Variants in CSMD1 observed in about 807,000 individuals in gnomAD.
CSMD1 encodes CUB and sushi domain-containing protein 1.
In CSMD1, 213 loss-of-function variants were observed where a neutral mutation model predicts 417.5. The ratio of observed to expected loss-of-function variants is 0.51; its 90% CI spans 0.46 to 0.57. The LOEUF (loss-of-function observed/expected upper bound fraction) is 0.57. Among genes scored for constraint, CSMD1 ranks in the 20% least tolerant of loss-of-function variants. The pLI, the probability that CSMD1 is intolerant of heterozygous loss-of-function variation, is 0.00. For missense variants in CSMD1, 6,923 were observed against 4,529.7 expected (o/e 1.53, Z -15.17); for synonymous variants, 2,862 against 1,736.8 (o/e 1.65, Z -16.11).
intron 1 of CSMD1, among the ~76,000 whole-genome samples, chr8:4,649,097 C>G (rs1411509525): frequency 2.0e-5 from 3 of 152,132 alleles, no homozygotes; most frequent in East Asian, 3.9e-4. Context: ...AGTGAGTCAT[C>G]ATTGATACAC....
At chr8:4,931,735 C>A (rs1328526330) in intron 1 of CSMD1, among the ~76,000 whole-genome samples, 1 of 152,198 alleles carries the variant, frequency 6.6e-6, no homozygotes, top group Non-Finnish European at 1.5e-5. Context: ...AGTACCATCT[C>A]CTCACATAAG....
chr8:4,470,140 G>A (rs1459895107), intron 2 of CSMD1, among the ~76,000 whole-genome samples: 1 of 152,062 alleles, frequency 6.6e-6, no homozygotes, highest in African/African-American at 2.4e-5. Context: ...AAAGGGCTGG[G>A]ATTACAGGTG....
chr8:4,090,224 G>C (rs990794998), intron 3 of CSMD1, among the ~76,000 whole-genome samples: 4 of 152,060 alleles, frequency 2.6e-5, no homozygotes, highest in Non-Finnish European at 5.9e-5. Flanking sequence ...AGTATTTTTG[G>C]CTTGTTTTTG....
intron 5 of CSMD1, among the ~76,000 whole-genome samples, chr8:3,811,647 T>C (rs541249408): frequency 6.6e-6 from 1 of 152,234 alleles, no homozygotes; most frequent in African/African-American, 2.4e-5. Flanking sequence ...AGGCCATTCC[T>C]TGCCACCATC....
chr8:3,040,087 T>C (rs2128983153), intron 50 of CSMD1, among the ~76,000 whole-genome samples: 1 of 152,242 alleles, frequency 6.6e-6, no homozygotes, highest in Middle Eastern at 3.4e-3. Flanking sequence ...GGCTCTCCTC[T>C]CTCTCACCTC....
intron 25 of CSMD1, among the ~76,000 whole-genome samples, chr8:3,290,415 G>C (rs1187224979): frequency 6.8e-6 from 1 of 146,450 alleles, no homozygotes; most frequent in Non-Finnish European, 1.5e-5. Flanking sequence ...AGTTACCTTG[G>C]GCGGTATGGC....
chr8:3,526,427 G>T (rs1216588522), intron 10 of CSMD1, among the ~76,000 whole-genome samples: 1 of 151,972 alleles, frequency 6.6e-6, no homozygotes, highest in Non-Finnish European at 1.5e-5. Context: ...CCTAAAGTTA[G>T]TATGCAGTTT....
intron 3 of CSMD1, among the ~76,000 whole-genome samples, chr8:4,105,354 A>C (rs558145151): frequency 6.6e-6 from 1 of 151,490 alleles, no homozygotes; most frequent in African/African-American, 2.4e-5. Context: ...TTTTATGTTT[A>C]TATGTGCTTT....
intron 33 of CSMD1, among the ~76,000 whole-genome samples, chr8:3,196,388 G>A (rs372717487): frequency 1.3e-5 from 2 of 152,054 alleles, no homozygotes; most frequent in Non-Finnish European, 2.9e-5. Context: ...CTGCTCTATG[G>A]ATTAGCCATT....
chr8:2,962,357 T>G, intron 61 of CSMD1, 109 bp downstream of exon 61: 5 of 965,906 alleles, frequency 5.2e-6, no homozygotes, highest in Non-Finnish European at 6.1e-6. Context: ...TACAGAAAAC[T>G]GTCTATGGAA....
chr8:4,788,239 T>C, intron 1 of CSMD1: 2 of 1,588,302 alleles, frequency 1.3e-6, no homozygotes, highest in South Asian at 1.1e-5. Flanking sequence ...GATGAAACTC[T>C]GAGGGTTAAA....
intron 50 of CSMD1, among the ~76,000 whole-genome samples, chr8:3,045,188 T>C (rs990150853): frequency 6.6e-6 from 1 of 152,248 alleles, no homozygotes; most frequent in Non-Finnish European, 1.5e-5. Context: ...CATTTTATTA[T>C]AAACGTTACA....
At chr8:4,899,874 T>G (rs1057266400) in intron 1 of CSMD1, among the ~76,000 whole-genome samples, 10 of 152,176 alleles carry the variant, frequency 6.6e-5, no homozygotes, top group Admixed American at 4.6e-4. Flanking sequence ...CAGACATACC[T>G]GGGGACAAGC....
At chr8:4,628,079 A>G (rs1026941719) in intron 2 of CSMD1, among the ~76,000 whole-genome samples, 6 of 151,158 alleles carry the variant, frequency 4.0e-5, no homozygotes, top group South Asian at 2.1e-4. Flanking sequence ...AGAAGCATAT[A>G]CATACACATA....
intron 45 of CSMD1, 167 bp from the exon 46 acceptor site, chr8:3,106,808 T>G: frequency 2.1e-6 from 1 of 483,998 alleles, no homozygotes; most frequent in South Asian, 4.1e-5. Flanking sequence ...CGTTTTAAGT[T>G]CTTAATTTAT....
chr8:4,117,002 G>A (rs1356461154), intron 3 of CSMD1, among the ~76,000 whole-genome samples: 1 of 151,946 alleles, frequency 6.6e-6, no homozygotes, highest in Non-Finnish European at 1.5e-5. Context: ...CAGTAAGATG[G>A]CCTGACGCTT....
At chr8:3,617,941 G>A (rs1029946030) in intron 7 of CSMD1, among the ~76,000 whole-genome samples, 4 of 152,118 alleles carry the variant, frequency 2.6e-5, no homozygotes, top group Admixed American at 6.5e-5. Flanking sequence ...GGGTATATGT[G>A]GAACTCGTGA....
chr8:3,424,370 G>A (rs747381705), intron 12 of CSMD1, among the ~76,000 whole-genome samples: 2 of 152,114 alleles, frequency 1.3e-5, no homozygotes, highest in African/African-American at 2.4e-5. Flanking sequence ...TGAATAGTTC[G>A]CACATTGCCC....
chr8:3,507,024 T>C (rs1054192858), intron 10 of CSMD1, among the ~76,000 whole-genome samples: 21 of 152,308 alleles, frequency 1.4e-4, no homozygotes, highest in African/African-American at 9.6e-5. Flanking sequence ...GTTGTAAGAA[T>C]TGAACAAACG....
Sources: allele counts gnomAD v4.1 joint callset (sites outside exome capture counted in the v4.1 genomes callset), GRCh38; gene constraint gnomAD v4.1.1; transcripts MANE v1.5; gene names NCBI Gene and HGNC (gene_info 2026-07-23, HGNC 2026-07-21).